The following ZDHHC24 variants were observed in gnomAD, a reference collection of about 807,000 sequenced individuals.
ZDHHC24 encodes the protein probable palmitoyltransferase ZDHHC24.
Under a neutral mutation model 23.2 loss-of-function variants are expected in ZDHHC24, and 17 were observed. That is an observed-to-expected ratio of 0.73 (90% CI 0.50 to 1.10). The LOEUF (loss-of-function observed/expected upper bound fraction) is 1.10. Ranked by LOEUF, ZDHHC24 falls within the 50% of genes least tolerant of loss-of-function variation. ZDHHC24 has a pLI of 0.00. For missense variants in ZDHHC24, 366 were observed against 393.0 expected (o/e 0.93, Z 0.58); for synonymous variants, 186 against 194.5 (o/e 0.96, Z 0.36).
At chr11:66,543,531 C>T (rs1346821608) in intron 2 of ZDHHC24, among the ~76,000 whole-genome samples, 173 bp downstream of exon 2, 1 of 152,246 alleles carries the variant, frequency 6.6e-6, no homozygotes, top group Admixed American at 6.5e-5. Flanking sequence ...TCTCAACACA[C>T]CAGTTTCCAT....
At chr11:66,524,043 GC>G in intron 4 of ZDHHC24, 1 of 1,031,336 alleles carries the variant, frequency 9.7e-7, no homozygotes, top group South Asian at 1.4e-5. Context: ...ACTTTGGGAG[GC>G]CAAGGTGGGC....
At position 66,526,872 on chromosome 11, in the gene ZDHHC24, G is replaced by A. The variant is rs1480225502; in HGVS notation, c.*21+64C>T. 37 of 1,613,284 alleles carry A rather than the reference G, an allele frequency of 2.3e-5. No individual in the cohort carries two copies. In the Admixed American group the frequency reaches 5.5e-4, roughly 24 times the overall value. ...ACTGCTCCTACACAGCAAAGCTGGG[G>A]GAATGCTGCCCAGCCTCCCTGTGCA... On this transcript the variant is annotated intron_variant, in intron 4 of 4. Coordinates refer to the ZDHHC24 transcript ENST00000526986.
At chr11:66,543,122 G>A (rs1033814622) in intron 2 of ZDHHC24, among the ~76,000 whole-genome samples, 9 of 152,138 alleles carry the variant, frequency 5.9e-5, no homozygotes, top group Non-Finnish European at 1.0e-4. Flanking sequence ...AAGGACCAGC[G>A]AGGCTTCTAT....
chr11:66,520,911 G>C, downstream of ZDHHC24: 8 of 347,226 alleles, frequency 2.3e-5, no homozygotes, highest in South Asian at 1.9e-4. Context: ...TAGAGACAAA[G>C]TTTTGCCATG....
chr11:66,534,100 C>T (rs1038255730), downstream of ZDHHC24, among the ~76,000 whole-genome samples: 21 of 148,614 alleles, frequency 1.4e-4, no homozygotes, highest in African/African-American at 4.0e-4. Flanking sequence ...ACCCGGGAGG[C>T]GGAGGTTGCA....
At chr11:66,539,880 C>A in intron 2 of ZDHHC24, 56 bp from the exon 3 acceptor site, 2 of 1,447,496 alleles carry the variant, frequency 1.4e-6, no homozygotes, top group Admixed American at 4.8e-5. Flanking sequence ...GGCTTTCCTG[C>A]CACCTGCTCC....
intron 2 of ZDHHC24, among the ~76,000 whole-genome samples, chr11:66,543,110 A>C (rs1268516895): frequency 2.0e-5 from 3 of 152,138 alleles, no homozygotes; most frequent in African/African-American, 7.2e-5. Context: ...ACAAAGAGTA[A>C]AAAGGACCAG....
At chr11:66,540,201 T>C (rs1028677945) in intron 2 of ZDHHC24, among the ~76,000 whole-genome samples, 3 of 151,980 alleles carry the variant, frequency 2.0e-5, no homozygotes, top group Non-Finnish European at 4.4e-5. Context: ...ATAGATCACC[T>C]GAGGTCAGGA....
intron 4 of ZDHHC24, chr11:66,521,578 T>G (rs1856218739): frequency 1.6e-6 from 1 of 612,438 alleles, no homozygotes; most frequent in Non-Finnish European, 2.9e-6. Context: ...AGTGAGAGAC[T>G]AGGCTGGGTG....
At chr11:66,527,668 C>CAAAAAAA (rs58165767) in intron 3 of ZDHHC24, 8 of 57,960 alleles carry the variant, frequency 1.4e-4, no homozygotes, top group East Asian at 5.5e-4. Context: ...GACTCCGTCT[C>CAAAAAAA]AAAAAAAAAA....
intron 2 of ZDHHC24, among the ~76,000 whole-genome samples, chr11:66,540,886 A>G (rs1366349336): frequency 6.8e-6 from 1 of 146,322 alleles, no homozygotes; most frequent in East Asian, 1.9e-4. Context: ...CAAAGGTCAC[A>G]TGTTTATCAT....
chr11:66,530,869 C>T (rs777220994), downstream of ZDHHC24: 1 of 1,614,112 alleles, frequency 6.2e-7, no homozygotes, highest in Non-Finnish European at 8.5e-7. Context: ...GTCCTAAGGG[C>T]TTTCTCCACC....
chr11:66,538,725 A>G lies in ZDHHC24; in HGVS notation c.*804T>C, dbSNP rs1857055898. The G allele has an allele frequency of 6.6e-6, 1 of 152,220 alleles. No homozygotes were observed. Among genetic ancestry groups the G allele is most frequent in the African/African-American group, 2.4e-5 (1 of 41,430 alleles). The allele number at this position is 152,220 out of a possible 1,614,324, so 9.4% of individuals were successfully genotyped here. A position where few individuals can be genotyped will look rare whatever the true frequency, so the allele number is the denominator to read the frequency against. ...GGCGGTCTCTATTCATTCTATTTACACGGAAACATTTAACAAGCAGCTCTT... is the reference window on the plus strand; with the variant it reads ...GGCGGTCTCTATTCATTCTATTTACGCGGAAACATTTAACAAGCAGCTCTT... On this transcript the variant is annotated 3_prime_UTR_variant, in exon 3 of 3. Coordinates refer to ENST00000310442, the MANE Select transcript of ZDHHC24 (RefSeq NM_207340.3).
In ZDHHC24 at chr11:66,536,848, TGGG is replaced by T. The variant is rs2134864638; in HGVS notation, c.*2678_*2680del. The stretch of plus-strand genomic sequence containing the variant: ...AAGATCGCATCATTGCACTCCAGCC[TGGG>T]TAACAAGAGTGAAACTCTGTCTCAA... On this transcript the variant is annotated 3_prime_UTR_variant, in exon 3 of 3. Transcript: ENST00000310442. The T allele has an allele frequency of 4.0e-5, 6 of 151,724 alleles. No individual in the cohort carries two copies. The South Asian group carries it at 1.3e-3, about 32-fold the overall frequency. The allele number at this position is 151,724 out of a possible 1,614,324, so 9.4% of individuals were successfully genotyped here.
chr11:66,539,846 G>T, intron 2 of ZDHHC24, 22 bp from the exon 3 acceptor site: 1 of 1,557,684 alleles, frequency 6.4e-7, no homozygotes, highest in South Asian at 1.2e-5. Context: ...GAGCAGAGAG[G>T]GTCAGGGAGG....
At chr11:66,531,084 A>G (rs1456029924), downstream of ZDHHC24, 2 of 1,607,604 alleles carry the variant, frequency 1.2e-6, no homozygotes, top group African/African-American at 2.7e-5. Context: ...CAGGGGCCTG[A>G]TGAGATGCCC....
In ZDHHC24 at chr11:66,536,828, C is replaced by G. The variant is rs1213007008; in HGVS notation, c.*2701G>C. The G allele has an allele frequency of 6.6e-6, 1 of 151,606 alleles. No homozygotes were observed. Among genetic ancestry groups the G allele is most frequent in the Non-Finnish European group, 1.5e-5 (1 of 67,882 alleles). 9.4% of individuals were successfully genotyped at this position (151,606 alleles called of 1,614,324 possible). On this transcript the variant is annotated 3_prime_UTR_variant, in exon 3 of 3. Transcript: ENST00000310442. ...GGCGGAGGTTTCGGTGAACCAAGATCGCATCATTGCACTCCAGCCTGGGTA... is the reference window on the plus strand; with the variant it reads ...GGCGGAGGTTTCGGTGAACCAAGATGGCATCATTGCACTCCAGCCTGGGTA...
Position 66,530,078 on chromosome 11 carries a change from AC to A in ZDHHC24, c.560-591del, listed in dbSNP as rs1283052267. On this transcript the variant is annotated intron_variant, in intron 2 of 4. Coordinates refer to the ZDHHC24 transcript ENST00000526986. ...GCCAACTCAGCCCGTGCTCCCCATC[AC>A]CTTCCCGCAGACCTGGGGACCGAGT... is the stretch of plus-strand genomic sequence containing the variant. The A allele has an allele frequency of 5.9e-6, 8 of 1,354,360 alleles. No individual in the cohort carries two copies. In the East Asian group the frequency reaches 2.0e-4, roughly 34 times the overall value. 83.9% of individuals were successfully genotyped at this position (1,354,360 alleles called of 1,614,324 possible). A position where few individuals can be genotyped will look rare whatever the true frequency, so the allele number is the denominator to read the frequency against.
chr11:66,523,381 T>A (rs200984431), intron 4 of ZDHHC24: 62 of 1,608,900 alleles, frequency 3.9e-5, no homozygotes, highest in Non-Finnish European at 5.0e-5. Context: ...TCCATGAGGT[T>A]TAGACAGAGG....
Sources: gnomAD v4.1 joint callset for allele counts (sites outside exome capture counted in the v4.1 genomes callset) on GRCh38, gnomAD v4.1.1 for gene constraint, MANE v1.5 for transcripts, NCBI Gene and HGNC (gene_info 2026-07-23, HGNC 2026-07-21) for gene names.